The following CACNA1A variants were observed in gnomAD, a reference collection of about 807,000 sequenced individuals.
CACNA1A encodes calcium voltage-gated channel subunit alpha1 A, also known as voltage-dependent P/Q-type calcium channel subunit alpha-1A.
In CACNA1A, 57 loss-of-function variants were observed where a neutral mutation model predicts 262.4. The observed-to-expected ratio is 0.22, with a 90% CI of 0.18 to 0.27. The LOEUF (loss-of-function observed/expected upper bound fraction) is 0.27, where lower values mean the gene tolerates loss of function less well. CACNA1A is among the 10% of genes least tolerant of loss of function. The pLI is 1.00. For synonymous variants in CACNA1A, 1,431 were observed against 1,419.3 expected (o/e 1.01, Z -0.18); for missense variants, 2,526 against 3,562.8 (o/e 0.71, Z 7.41).
rs148141236 is a variant in CACNA1A at position 13,378,645 on chromosome 19, CATTTATTTATTT to C, written c.540-6878_540-6867del. Among the ~76,000 whole-genome samples the C allele has an allele frequency of 8.1e-3, 1,205 of 149,104 alleles. 13 individuals carry two copies. Among genetic ancestry groups the C allele is most frequent in the African/African-American group, 0.027 (1,087 of 40,220 alleles). ...ATTGTTAACTTTTTTAGTAATAAAA[CATTTATTTATTT>C]ATTTATTTATTTATTTATTTTTTGA... On this transcript the variant is annotated intron_variant, in intron 3 of 46. Coordinates refer to ENST00000360228, the MANE Select transcript of CACNA1A (RefSeq NM_001127222.2).
intron 31 of CACNA1A, chr19:13,243,705 C>A (rs146860590): frequency 0.014 from 2,096 of 152,296 alleles, 15 homozygotes; most frequent in Non-Finnish European, 0.015. Context: ...TACAGGCATG[C>A]ACCACCACAC....
intron 6 of CACNA1A, among the ~76,000 whole-genome samples, chr19:13,347,155 C>T (rs117325740): frequency 0.084 from 12,487 of 148,704 alleles, 764 homozygotes; most frequent in East Asian, 0.37. Context: ...ACCTCCCAGG[C>T]TCAAGCAGTC....
chr19:13,502,288 C>T (rs1599388675), intron 1 of CACNA1A, among the ~76,000 whole-genome samples: 1 of 152,080 alleles, frequency 6.6e-6, no homozygotes, highest in Admixed American at 6.5e-5. Flanking sequence ...GGATGAAAAG[C>T]TGGAATTCTA....
intron 19 of CACNA1A, among the ~76,000 whole-genome samples, chr19:13,292,851 TTAA>T (rs1209132899): frequency 1.3e-5 from 2 of 151,378 alleles, no homozygotes; most frequent in Non-Finnish European, 2.9e-5. Flanking sequence ...TTTTTTTCTC[TTAA>T]AGTGCATGAA....
chr19:13,281,605 C>T (rs2057293335), intron 22 of CACNA1A, among the ~76,000 whole-genome samples: 1 of 151,986 alleles, frequency 6.6e-6, no homozygotes, highest in South Asian at 2.1e-4. Flanking sequence ...AGCACCTCCC[C>T]CCTCCTGTCG....
At chr19:13,255,705 TTCCC>T (rs370544383) in intron 28 of CACNA1A, among the ~76,000 whole-genome samples, 743 of 31,784 alleles carry the variant, frequency 0.023, 5 homozygotes, top group Middle Eastern at 0.11. Flanking sequence ...CCCTCCTTCC[TTCCC>T]TCCCTCCCTC....
chr19:13,485,107 G>A (rs17777941), intron 1 of CACNA1A, among the ~76,000 whole-genome samples: 4,222 of 152,202 alleles, frequency 0.028, 203 homozygotes, highest in East Asian at 0.19. Context: ...GAAGGTAAAA[G>A]TTAAACAGTC....
At chr19:13,471,702 T>C (rs2061349605) in intron 1 of CACNA1A, among the ~76,000 whole-genome samples, 1 of 152,088 alleles carries the variant, frequency 6.6e-6, no homozygotes, top group Non-Finnish European at 1.5e-5. Context: ...AATTCATTTA[T>C]ATGAAAGAGC....
At chr19:13,260,333 T>TATATA (rs201167508) in intron 26 of CACNA1A, 3 of 47,864 alleles carry the variant, frequency 6.3e-5, no homozygotes, top group East Asian at 2.7e-4. Context: ...TATATATATA[T>TATATA]TTTTGTTGTT....
At chr19:13,322,017 C>T (rs2058264979) in intron 10 of CACNA1A, among the ~76,000 whole-genome samples, 1 of 152,070 alleles carries the variant, frequency 6.6e-6, no homozygotes, top group Admixed American at 6.6e-5. Flanking sequence ...GCCTGGCCAA[C>T]ATGGTGAAAC....
chr19:13,283,172 A>G (rs764648093), intron 22 of CACNA1A, 95 bp downstream of exon 22: 6 of 1,489,212 alleles, frequency 4.0e-6, no homozygotes, highest in Non-Finnish European at 4.6e-6. Context: ...GGTGACCCCA[A>G]CATCCCACCC....
At chr19:13,218,172 C>G (rs1344704126) in intron 38 of CACNA1A, among the ~76,000 whole-genome samples, 1 of 151,828 alleles carries the variant, frequency 6.6e-6, no homozygotes, top group Non-Finnish European at 1.5e-5. Flanking sequence ...CTCACTGCAA[C>G]CTCGGCCTCC....
chr19:13,370,771 G>T (rs905242695), intron 4 of CACNA1A: 1 of 150,340 alleles, frequency 6.7e-6, no homozygotes, highest in East Asian at 2.0e-4. Context: ...AGATATTGGC[G>T]GGGGGGTGGG....
chr19:13,365,550 C>T, intron 4 of CACNA1A, 81 bp from the exon 5 acceptor site: 3 of 1,300,712 alleles, frequency 2.3e-6, no homozygotes, highest in Non-Finnish European at 3.2e-6. Context: ...CAGGTCTCTC[C>T]CAGACAAAGC....
intron 2 of CACNA1A, 118 bp from the exon 3 acceptor site, chr19:13,453,133 G>A: frequency 9.9e-7 from 1 of 1,006,358 alleles, no homozygotes; most frequent in Non-Finnish European, 1.5e-6. Context: ...TGACCCTCCT[G>A]CACTCACCAC....
At chr19:13,250,776 G>A (rs1199239233) in intron 30 of CACNA1A, among the ~76,000 whole-genome samples, 1 of 152,186 alleles carries the variant, frequency 6.6e-6, no homozygotes, top group African/African-American at 2.4e-5. Flanking sequence ...ATAAAGGCTT[G>A]TAAATGCATA....
In CACNA1A at chr19:13,506,390, C is replaced by T. The variant is rs1983050335; in HGVS notation, c.-166G>A. 2.1e-6 allele frequency: 1 copy of T among 485,038 alleles called. No homozygotes were observed. Among genetic ancestry groups the T allele is most frequent in the Non-Finnish European group, 3.3e-6 (1 of 306,000 alleles). 30.0% of individuals were successfully genotyped at this position (485,038 alleles called of 1,614,324 possible). A position where few individuals can be genotyped will look rare whatever the true frequency, so the allele number is the denominator to read the frequency against. On this transcript the variant is annotated 5_prime_UTR_variant, in exon 1 of 47. Coordinates refer to ENST00000360228, the MANE Select transcript of CACNA1A (RefSeq NM_001127222.2). The stretch of plus-strand genomic sequence containing the variant: ...GGCCCAGCCCATCGGGCGGCGGCGG[C>T]TCGGCGCCTCGGGTCGGGGGCTCAG...
intron 3 of CACNA1A, among the ~76,000 whole-genome samples, chr19:13,410,510 C>A (rs2060090317): frequency 2.0e-5 from 3 of 147,396 alleles, no homozygotes; most frequent in African/African-American, 5.3e-5. Flanking sequence ...GTCATTGTGC[C>A]TGGCCTTTTT....
intron 3 of CACNA1A, among the ~76,000 whole-genome samples, chr19:13,430,901 G>T (rs185968448): frequency 6.6e-6 from 1 of 152,010 alleles, no homozygotes; most frequent in Non-Finnish European, 1.5e-5. Context: ...AGGAAGTGAG[G>T]GGGGAGCCAA....
Sources: gnomAD v4.1 joint callset for allele counts (sites outside exome capture counted in the v4.1 genomes callset) on GRCh38, gnomAD v4.1.1 for gene constraint, MANE v1.5 for transcripts, NCBI Gene and HGNC (gene_info 2026-07-23, HGNC 2026-07-21) for gene names.